PPP2R2D: variants seen among roughly 807,000 people sequenced by gnomAD.
PPP2R2D encodes the protein protein phosphatase 2 regulatory subunit Bdelta, also known as serine/threonine-protein phosphatase 2A 55 kDa regulatory subunit B delta isoform.
Under a neutral mutation model 31.1 loss-of-function variants are expected in PPP2R2D, and 9 were observed. The ratio of observed to expected loss-of-function variants is 0.29; its 90% CI spans 0.17 to 0.51. The LOEUF is 0.51. PPP2R2D is among the 20% of genes least tolerant of loss of function. The probability of loss-of-function intolerance (pLI) is 0.98; values close to 1 mark genes in which losing one functional copy is unlikely to be tolerated. For missense variants in PPP2R2D, 391 were observed against 465.6 expected (o/e 0.84, Z 1.48); for synonymous variants, 179 against 172.6 (o/e 1.04, Z -0.29).
chr10:131,970,434 C>T, the PPP2R2D span: 3 of 695,228 alleles, frequency 4.3e-6, no homozygotes, highest in African/African-American at 1.8e-5. This position sits in a 1 kb window ranked among gnomAD's most constrained non-coding sequence, Gnocchi z 4.1. Context: ...GACAGCAGCA[C>T]CACAGGGCGC....
At chr10:131,922,930 A>T (rs1232666624) in intron 2 of PPP2R2D, among the ~76,000 whole-genome samples, 1 of 152,138 alleles carries the variant, frequency 6.6e-6, no homozygotes, top group African/African-American at 2.4e-5. Context: ...TGTATTTGAG[A>T]ATGGTTGCAA....
intron 2 of PPP2R2D, chr10:131,912,318 AG>A (rs2035697951): frequency 6.6e-6 from 1 of 152,226 alleles, no homozygotes; most frequent in Non-Finnish European, 1.5e-5. Context: ...CCTCCTGAGT[AG>A]CTGGAACTAT....
rs1228388177 is a variant in PPP2R2D at position 131,957,026 on chromosome 10, A to G, written c.*1063A>G. 1 of 152,318 alleles carries G rather than the reference A, an allele frequency of 6.6e-6. No homozygotes were observed. Among genetic ancestry groups the G allele is most frequent in the Non-Finnish European group, 1.5e-5 (1 of 68,084 alleles). The allele number at this position is 152,318 out of a possible 1,614,324, so 9.4% of individuals were successfully genotyped here. ...CACCAGTACGTTGGTTTATTTTCAAAGTAGGATCTTTGATACCAGAAATCA... is the reference window on the plus strand; with the variant it reads ...CACCAGTACGTTGGTTTATTTTCAAGGTAGGATCTTTGATACCAGAAATCA... On this transcript the variant is annotated 3_prime_UTR_variant, in exon 9 of 9. Coordinates refer to ENST00000455566, the MANE Select transcript of PPP2R2D (RefSeq NM_018461.5).
chr10:131,910,133 C>T (rs2035660009), intron 2 of PPP2R2D, among the ~76,000 whole-genome samples: 1 of 152,190 alleles, frequency 6.6e-6, no homozygotes, highest in African/African-American at 2.4e-5. Flanking sequence ...CAGGTGGCAG[C>T]GTGTTTGAGT....
At chr10:131,907,697 C>G (rs1424295489) in intron 2 of PPP2R2D, among the ~76,000 whole-genome samples, 1 of 150,544 alleles carries the variant, frequency 6.6e-6, no homozygotes, top group Non-Finnish European at 1.5e-5. Flanking sequence ...GAGCGGAGAT[C>G]ACGCCACTGC....
downstream of PPP2R2D, among the ~76,000 whole-genome samples, chr10:131,963,970 G>T (rs1554901850): frequency 6.6e-6 from 1 of 152,140 alleles, no homozygotes; most frequent in East Asian, 1.9e-4. Flanking sequence ...CGCCCACGTT[G>T]TATTTCGTTG....
At chr10:131,902,220 T>C (rs1341650156) in intron 2 of PPP2R2D, among the ~76,000 whole-genome samples, 2 of 152,254 alleles carry the variant, frequency 1.3e-5, no homozygotes, top group Admixed American at 6.5e-5. Flanking sequence ...TTTTTGTTGT[T>C]GTTCATACAT....
chr10:131,907,774 T>C (rs2035621109), intron 2 of PPP2R2D, among the ~76,000 whole-genome samples: 1 of 151,664 alleles, frequency 6.6e-6, no homozygotes, highest in Non-Finnish European at 1.5e-5. Context: ...CACAGACTCA[T>C]CATGCTTAGT....
chr10:131,938,602 G>A (rs1008532182), intron 3 of PPP2R2D, among the ~76,000 whole-genome samples: 2 of 152,158 alleles, frequency 1.3e-5, no homozygotes, highest in Non-Finnish European at 2.9e-5. Flanking sequence ...TTTTGAAGAT[G>A]GCATATGTCT....
downstream of PPP2R2D, among the ~76,000 whole-genome samples, chr10:131,964,536 C>A (rs782400513): frequency 2.6e-5 from 4 of 152,180 alleles, no homozygotes; most frequent in Non-Finnish European, 5.9e-5. Context: ...TTCGTGCTAG[C>A]CTTCCTTGTG....
chr10:131,901,192 GC>G, intron 1 of PPP2R2D, 37 bp downstream of exon 1: 1 of 333,450 alleles, frequency 3.0e-6, no homozygotes, highest in Non-Finnish European at 5.4e-6. Flanking sequence ...GACCACGGGG[GC>G]GGGCGGGGGC....
intron 8 of PPP2R2D, among the ~76,000 whole-genome samples, chr10:131,949,592 T>C (rs199928892): frequency 6.6e-6 from 1 of 152,050 alleles, no homozygotes; most frequent in South Asian, 2.1e-4. Context: ...GTTGAGATCC[T>C]AAGTTAAAGA....
chr10:131,942,126 A>T (rs1386753039), intron 5 of PPP2R2D, among the ~76,000 whole-genome samples: 3 of 152,110 alleles, frequency 2.0e-5, no homozygotes, highest in Non-Finnish European at 4.4e-5. Flanking sequence ...AGCCTTGTCC[A>T]TCTCTTCTGC....
intron 2 of PPP2R2D, among the ~76,000 whole-genome samples, chr10:131,923,298 C>T (rs782018577): frequency 6.6e-6 from 1 of 152,238 alleles, no homozygotes; most frequent in Non-Finnish European, 1.5e-5. Flanking sequence ...GCATATCCTG[C>T]AGCATGCGTC....
chr10:131,957,411 GGTGTGT>G lies in PPP2R2D; in HGVS notation c.*1450_*1455del. 1.4e-5 allele frequency: 3 copies of G among 214,136 alleles called. No homozygotes were observed. Among genetic ancestry groups the G allele is most frequent in the African/African-American group, 2.4e-5 (1 of 42,108 alleles). The allele number at this position is 214,136 out of a possible 1,614,324, so 13.3% of individuals were successfully genotyped here. ...TCCCTCGTGCCCCTGTGGAGATGGA[GGTGTGT>G]GCTGATCCCCCATCCCATCCCCCTG... On this transcript the variant is annotated 3_prime_UTR_variant, in exon 9 of 9. Transcript: ENST00000455566.
At chr10:131,903,480 A>AG (rs2035534802) in intron 2 of PPP2R2D, among the ~76,000 whole-genome samples, 1 of 151,828 alleles carries the variant, frequency 6.6e-6, no homozygotes. Context: ...AAAAAAAAAA[A>AG]AAAAAAAAAA....
intron 2 of PPP2R2D, among the ~76,000 whole-genome samples, chr10:131,901,550 G>T (rs1589916199): frequency 6.6e-6 from 1 of 152,244 alleles, no homozygotes; most frequent in African/African-American, 2.4e-5. Flanking sequence ...TCGGGCCCGC[G>T]GCGGGACTTA....
downstream of PPP2R2D, among the ~76,000 whole-genome samples, chr10:131,960,651 C>G (rs1167228228): frequency 6.6e-6 from 1 of 152,194 alleles, no homozygotes; most frequent in Non-Finnish European, 1.5e-5. Context: ...GAAGCTGGCC[C>G]TGGATCCGCC....
Position 131,957,807 on chromosome 10 carries a change from CCT to C in PPP2R2D, c.*1845_*1846del, listed in dbSNP as rs2036836547. ...GGAGGCGTGTGCTGATCCCCATCCC[CCT>C]GTGGAGATGAAGGTGTGTGCTGATC... On this transcript the variant is annotated 3_prime_UTR_variant, in exon 9 of 9. Coordinates refer to ENST00000455566, the MANE Select transcript of PPP2R2D (RefSeq NM_018461.5). 6.1e-6 allele frequency: 1 copy of C among 165,046 alleles called. No homozygotes were observed. Among genetic ancestry groups the C allele is most frequent in the South Asian group, 1.3e-4 (1 of 7,806 alleles). 10.2% of individuals were successfully genotyped at this position (165,046 alleles called of 1,614,324 possible).
Sources: gnomAD v4.1 joint callset for allele counts (sites outside exome capture counted in the v4.1 genomes callset) on GRCh38, gnomAD v4.1.1 for gene constraint, Gnocchi (gnomAD v3.1) non-coding constraint, MANE v1.5 for transcripts, NCBI Gene and HGNC (gene_info 2026-07-23, HGNC 2026-07-21) for gene names.